Variants in TAB2 observed in about 807,000 individuals in gnomAD.
The protein encoded by TAB2 is TGF-beta-activated kinase 1 and MAP3K7-binding protein 2.
TAB2 carries 3 observed loss-of-function variants against 65.0 expected under a neutral mutation model. That is an observed-to-expected ratio of 0.05 (90% CI 0.02 to 0.12). TAB2 has a LOEUF of 0.12. TAB2 is among the 10% of genes least tolerant of loss of function. The pLI is 1.00. For missense variants in TAB2, 623 were observed against 840.3 expected, an observed-to-expected ratio of 0.74 and a Z score of 3.20; for synonymous variants, 298 against 285.1, an observed-to-expected ratio of 1.05 and a Z score of -0.46.
intron 1 of TAB2, among the ~76,000 whole-genome samples, chr6:149,358,908 C>G (rs909261400): frequency 6.6e-6 from 1 of 151,644 alleles, no homozygotes; most frequent in African/African-American, 2.4e-5. Flanking sequence ...TCTCAAGTAC[C>G]TTCTGCTGTT....
chr6:149,357,444 C>A (rs1203151650), intron 1 of TAB2, among the ~76,000 whole-genome samples: 31 of 144,748 alleles, frequency 2.1e-4, no homozygotes, highest in South Asian at 4.4e-4. Flanking sequence ...CACACACACA[C>A]ACACACACAC....
At chr6:149,252,558 A>T (rs1402576711) in intron 1 of TAB2, among the ~76,000 whole-genome samples, 2 of 152,180 alleles carry the variant, frequency 1.3e-5, no homozygotes, top group African/African-American at 4.8e-5. Context: ...GTCTTTATTT[A>T]AAAACTTTGG....
chr6:149,241,876 A>G lies in TAB2; in HGVS notation c.-121+23100A>G, dbSNP rs1349617143. On this transcript the variant is annotated intron_variant, in intron 1 of 1. Coordinates refer to the TAB2 transcript ENST00000606202. ...TGGGGAAGAAGTGAACTGGACCTGA[A>G]GCCCACTCTCAGCCTTCCAGCCCGT... 3.3e-5 allele frequency among the ~76,000 whole-genome samples: 5 copies of G among 152,290 alleles called. 1 individual carries two copies. In the East Asian group the frequency reaches 9.7e-4, roughly 29 times the overall value.
At chr6:149,289,769 C>T (rs1778743494) in intron 1 of TAB2, among the ~76,000 whole-genome samples, 1 of 152,214 alleles carries the variant, frequency 6.6e-6, no homozygotes, top group South Asian at 2.1e-4. Flanking sequence ...GAACATGCGC[C>T]TAAGTTGGTC....
chr6:149,331,615 G>A (rs1314337018), intron 1 of TAB2, among the ~76,000 whole-genome samples: 1 of 152,132 alleles, frequency 6.6e-6, no homozygotes, highest in Non-Finnish European at 1.5e-5. Context: ...TCTGATCTTA[G>A]TGGAAAAGCA....
At chr6:149,240,553 G>C (rs1455620523) in intron 1 of TAB2, among the ~76,000 whole-genome samples, 1 of 151,590 alleles carries the variant, frequency 6.6e-6, no homozygotes, top group Non-Finnish European at 1.5e-5. Context: ...TAGAATAATA[G>C]CATCATCATC....
chr6:149,400,382 G>C (rs200269880), intron 6 of TAB2: 5 of 1,613,128 alleles, frequency 3.1e-6, no homozygotes, highest in African/African-American at 1.3e-5. Flanking sequence ...AGGAGACTCC[G>C]GTGTTCACCA....
chr6:149,386,783 TATCTGACTTTG>T (rs1781822425), intron 3 of TAB2, among the ~76,000 whole-genome samples: 1 of 152,238 alleles, frequency 6.6e-6, no homozygotes, highest in African/African-American at 2.4e-5. Flanking sequence ...ACAACGCTTT[TATCTGACTTTG>T]TGTTACTTGC....
At chr6:149,250,311 T>G (rs1777832611) in intron 1 of TAB2, among the ~76,000 whole-genome samples, 1 of 152,112 alleles carries the variant, frequency 6.6e-6, no homozygotes, top group Admixed American at 6.5e-5. Flanking sequence ...CAAACTTTTT[T>G]TTTTTTCTTT....
At chr6:149,320,688 T>C (rs1020312155) in intron 1 of TAB2, among the ~76,000 whole-genome samples, 2 of 152,190 alleles carry the variant, frequency 1.3e-5, no homozygotes, top group Non-Finnish European at 2.9e-5. Flanking sequence ...TTTTGAGTTA[T>C]ATAAACAGAT....
chr6:149,309,169 G>T (rs1478430222), intron 1 of TAB2, among the ~76,000 whole-genome samples: 1 of 151,988 alleles, frequency 6.6e-6, no homozygotes, highest in Admixed American at 6.5e-5. Flanking sequence ...ATTCCTTCGT[G>T]ATAGATGATA....
At chr6:149,290,301 C>T (rs1178616823) in intron 1 of TAB2, among the ~76,000 whole-genome samples, 2 of 152,186 alleles carry the variant, frequency 1.3e-5, no homozygotes, top group African/African-American at 2.4e-5. Context: ...GCTCATCCCT[C>T]GCTCTTGCAG....
At chr6:149,344,234 T>C (rs1583106312) in intron 1 of TAB2, among the ~76,000 whole-genome samples, 1 of 152,242 alleles carries the variant, frequency 6.6e-6, no homozygotes, top group African/African-American at 2.4e-5. Flanking sequence ...ATATCAAGTC[T>C]TAGTTATTTT....
chr6:149,321,508 T>C (rs751343270), intron 1 of TAB2: 5 of 152,174 alleles, frequency 3.3e-5, no homozygotes, highest in Non-Finnish European at 7.4e-5. Flanking sequence ...TTTTTCTAAG[T>C]ATTCCATCTC....
At chr6:149,395,400 C>T (rs553713145) in intron 3 of TAB2, among the ~76,000 whole-genome samples, 1 of 152,282 alleles carries the variant, frequency 6.6e-6, no homozygotes, top group South Asian at 2.1e-4. Context: ...TCCTTTCCTG[C>T]TATCTAGGTT....
At position 149,278,998 on chromosome 6, in the gene TAB2, A is replaced by G. The variant is rs558789177; in HGVS notation, c.-121+60222A>G. Among the ~76,000 whole-genome samples the G allele has an allele frequency of 7.2e-5, 11 of 152,316 alleles. No homozygotes were observed. The East Asian group carries it at 1.7e-3, about 24-fold the overall frequency. ...GTGGACCCTACCTTCCTTTCTAGCT[A>G]TTGTGAACCTCATTCATTCCATTTC... is the stretch of plus-strand genomic sequence containing the variant. On this transcript the variant is annotated intron_variant, in intron 1 of 1. Coordinates refer to the TAB2 transcript ENST00000606202.
intron 6 of TAB2, among the ~76,000 whole-genome samples, chr6:149,407,776 TAA>T (rs1285513904): frequency 1.4e-5 from 2 of 139,304 alleles, no homozygotes; most frequent in Admixed American, 7.1e-5. Flanking sequence ...CACCTCTAAT[TAA>T]AAAAAAAAAA....
chr6:149,399,039 G>A, intron 5 of TAB2, 65 bp from the exon 6 acceptor site: 1 of 1,378,212 alleles, frequency 7.3e-7, no homozygotes, highest in Non-Finnish European at 1.0e-6. Context: ...AGAAATACTT[G>A]TTTTAAAAAG....
intron 1 of TAB2, among the ~76,000 whole-genome samples, chr6:149,330,316 A>T (rs960646752): frequency 6.6e-6 from 1 of 152,218 alleles, no homozygotes; most frequent in African/African-American, 2.4e-5. Context: ...ATAAATTCCC[A>T]AGAGTGCAGT....
Sources: gnomAD v4.1 joint callset for allele counts (sites outside exome capture counted in the v4.1 genomes callset) on GRCh38, gnomAD v4.1.1 for gene constraint, MANE v1.5 for transcripts, NCBI Gene and HGNC (gene_info 2026-07-23, HGNC 2026-07-21) for gene names.